Variants in FRMD6 observed in about 807,000 individuals in gnomAD.
The protein encoded by FRMD6 is FERM domain containing 6.
A neutral mutation model predicts 73.2 loss-of-function variants in FRMD6; 37 were observed. The ratio of observed to expected loss-of-function variants is 0.51; its 90% CI spans 0.39 to 0.66. The LOEUF (loss-of-function observed/expected upper bound fraction) is 0.66. FRMD6 is among the 30% of genes least tolerant of loss of function. The probability of loss-of-function intolerance (pLI) is 0.00; values close to 1 mark genes in which losing one functional copy is unlikely to be tolerated. For synonymous variants in FRMD6, 273 were observed against 282.2 expected, an observed-to-expected ratio of 0.97 and a Z score of 0.33; for missense variants, 714 against 780.5, an observed-to-expected ratio of 0.91 and a Z score of 1.02.
chr14:51,464,339 A>G, the FRMD6 span, among the ~76,000 whole-genome samples: 1 of 152,094 alleles, frequency 6.6e-6, no homozygotes, highest in Non-Finnish European at 1.5e-5. Context: ...GCACACATTT[A>G]CCTATGTAAG....
chr14:51,502,028 C>T (rs1883651058), intron 1 of FRMD6, among the ~76,000 whole-genome samples: 1 of 152,076 alleles, frequency 6.6e-6, no homozygotes. Context: ...GTCTTCTTTT[C>T]AGAAGTGTCT....
the FRMD6 span, among the ~76,000 whole-genome samples, chr14:51,453,149 T>TAA: frequency 6.6e-3 from 974 of 148,012 alleles, 6 homozygotes; most frequent in Non-Finnish European, 9.3e-3. Flanking sequence ...GAAAAGCTGG[T>TAA]AAAAAAAAAA....
intron 1 of FRMD6, among the ~76,000 whole-genome samples, chr14:51,666,765 G>C (rs1022798738): frequency 6.6e-6 from 1 of 152,158 alleles, no homozygotes; most frequent in African/African-American, 2.4e-5. Context: ...TATAGCTCTA[G>C]AATTTATTGT....
chr14:51,446,790 A>G, the FRMD6 span, among the ~76,000 whole-genome samples: 23 of 152,164 alleles, frequency 1.5e-4, no homozygotes, highest in Admixed American at 4.6e-4. Context: ...TGACCATATT[A>G]AAATGATTAG....
rs113739952 is a variant in FRMD6, at chr14:51,587,537, G to A, written c.-147+17127G>A. On this transcript the variant is annotated intron_variant, in intron 2 of 14. Coordinates refer to the FRMD6 transcript ENST00000356218. Reference sequence around the variant, plus strand: ...AGATTTATCACTGCTGTTTCCCGTGGGGGTGTGGTTGAGTAAGGTGTTTTG... The same window carrying A: ...AGATTTATCACTGCTGTTTCCCGTGAGGGTGTGGTTGAGTAAGGTGTTTTG... Among the ~76,000 whole-genome samples the A allele has an allele frequency of 3.1e-3, 470 of 152,264 alleles. 1 individual carries two copies. The highest frequency in any genetic ancestry group is 0.011 in the African/African-American group (441 of 41,558).
At chr14:51,560,385 A>G (rs1047903400) in intron 1 of FRMD6, among the ~76,000 whole-genome samples, 4 of 152,212 alleles carry the variant, frequency 2.6e-5, no homozygotes, top group African/African-American at 7.2e-5. Context: ...GGCCGGCAAC[A>G]GTGTTTCAGA....
intron 1 of FRMD6, among the ~76,000 whole-genome samples, chr14:51,658,841 T>A (rs1267490005): frequency 6.6e-6 from 1 of 152,224 alleles, no homozygotes; most frequent in Non-Finnish European, 1.5e-5. Flanking sequence ...AAGAAAAGAC[T>A]CAGAGCTTCA....
At chr14:51,536,351 C>G (rs534597401) in intron 1 of FRMD6, among the ~76,000 whole-genome samples, 16 of 152,122 alleles carry the variant, frequency 1.1e-4, no homozygotes, top group African/African-American at 3.9e-4. Context: ...CCTCAGCCTC[C>G]CAAATTGCCA....
the FRMD6 span, among the ~76,000 whole-genome samples, chr14:51,424,428 G>A: frequency 2.0e-5 from 3 of 152,148 alleles, no homozygotes; most frequent in African/African-American, 4.8e-5. Flanking sequence ...AATTCATATC[G>A]TTGATCTTCA....
chr14:51,439,480 C>G, the FRMD6 span, among the ~76,000 whole-genome samples: 2 of 152,134 alleles, frequency 1.3e-5, no homozygotes, highest in Non-Finnish European at 2.9e-5. Context: ...TTATTCTGAG[C>G]CTTTTCTTTC....
At chr14:51,639,322 C>A (rs1488241229) in intron 2 of FRMD6, among the ~76,000 whole-genome samples, 5 of 151,936 alleles carry the variant, frequency 3.3e-5, no homozygotes, top group African/African-American at 1.2e-4. Context: ...GTAGTCCCAG[C>A]TAATCGGGAG....
chr14:51,411,367 T>A, the FRMD6 span, among the ~76,000 whole-genome samples: 1 of 151,888 alleles, frequency 6.6e-6, no homozygotes, highest in East Asian at 1.9e-4. Context: ...AACTGGGAAG[T>A]AAGGACAAGA....
the FRMD6 span, chr14:51,436,636 GT>G: frequency 9.3e-6 from 5 of 538,938 alleles, no homozygotes; most frequent in East Asian, 1.2e-4. Context: ...GAACTAGAGA[GT>G]TTTTTACCTG....
At chr14:51,444,383 C>T in the FRMD6 span, among the ~76,000 whole-genome samples, 1 of 152,226 alleles carries the variant, frequency 6.6e-6, no homozygotes, top group Admixed American at 6.5e-5. Context: ...AAGATGAGAA[C>T]TGGCATGTGG....
chr14:51,692,426 A>G (rs1895661573), intron 2 of FRMD6, among the ~76,000 whole-genome samples: 1 of 152,118 alleles, frequency 6.6e-6, no homozygotes, highest in Non-Finnish European at 1.5e-5. Context: ...TAGCATAAGC[A>G]CTTAAGAAAC....
chr14:51,439,859 T>C, the FRMD6 span, among the ~76,000 whole-genome samples: 3 of 152,248 alleles, frequency 2.0e-5, no homozygotes, highest in African/African-American at 4.8e-5. Context: ...AGAGTAGGAA[T>C]GTCTTCCAGG....
At chr14:51,625,734 T>C (rs181093214) in intron 2 of FRMD6, among the ~76,000 whole-genome samples, 12 of 152,320 alleles carry the variant, frequency 7.9e-5, no homozygotes, top group Admixed American at 5.9e-4. Flanking sequence ...CTCTCTTCTC[T>C]GCTTATCCAA....
chr14:51,617,917 T>C (rs1042396555), intron 2 of FRMD6, among the ~76,000 whole-genome samples: 1 of 152,160 alleles, frequency 6.6e-6, no homozygotes, highest in Non-Finnish European at 1.5e-5. Flanking sequence ...ATGCAATAGA[T>C]AAATGCATGG....
At chr14:51,572,083 C>G (rs145440276) in intron 2 of FRMD6, among the ~76,000 whole-genome samples, 240 of 152,352 alleles carry the variant, frequency 1.6e-3, no homozygotes, top group African/African-American at 5.3e-3. Flanking sequence ...TGCTGGCACT[C>G]CAGCATAAGG....
Sources: allele counts gnomAD v4.1 joint callset (sites outside exome capture counted in the v4.1 genomes callset), GRCh38; gene constraint gnomAD v4.1.1; transcripts MANE v1.5; gene names NCBI Gene and HGNC (gene_info 2026-07-23, HGNC 2026-07-21).